MYH14: variants seen among roughly 807,000 people sequenced by gnomAD.
MYH14 encodes the protein myosin heavy chain 14.
A neutral mutation model predicts 255.5 loss-of-function variants in MYH14; 123 were observed. That is an observed-to-expected ratio of 0.48 (90% CI 0.42 to 0.56). The LOEUF (loss-of-function observed/expected upper bound fraction) is 0.56, where lower values mean the gene tolerates loss of function less well. Ranked by LOEUF, MYH14 falls within the 20% of genes least tolerant of loss-of-function variation. The probability of loss-of-function intolerance (pLI) is 0.00; values close to 1 mark genes in which losing one functional copy is unlikely to be tolerated. For missense variants in MYH14, 2,423 were observed against 2,802.3 expected (o/e 0.86, Z 3.06); for synonymous variants, 1,095 against 1,161.2 (o/e 0.94, Z 1.16).
rs552730148 is a variant in MYH14, at chr19:50,247,010, A to G, written c.1217A>G (p.Gln406Arg). The change falls in exon 12 of 43, where the codon CAG (glutamine) becomes CGG (arginine). Residue 406 changes from glutamine (Q) to arginine (R), a missense_variant. Physicochemically the swap from Gln to Arg is conservative, Grantham distance 43 (BLOSUM62 1). This residue lies in a region of MYH14 where 672 missense variants were observed against 881.8 expected (regional missense o/e 0.76). Transcript: ENST00000642316. Reference protein sequence around the residue: ...QATMPDNTAAQKLCRLLGLGV... With the variant: ...QATMPDNTAARKLCRLLGLGV... ...TGGTGCCTCTCGCCCTCAGCTGCAC[A>G]GAAGCTCTGCCGCCTCTTGGGACTG... 38 of 1,610,820 alleles carry G rather than the reference A, an allele frequency of 2.4e-5. No individual in the cohort carries two copies. In the South Asian group the frequency reaches 4.2e-4, roughly 18 times the overall value.
In MYH14 at chr19:50,255,290, G is replaced by T. The variant is rs1358522612; in HGVS notation, c.2016G>T (p.Arg672Ser). The change falls in exon 17 of 43, where the codon AGG becomes AGT. Residue 672 changes from arginine to serine, a missense_variant. By Grantham distance (110) the Arg-to-Ser change is moderately radical (BLOSUM62 -1). Coordinates refer to ENST00000642316, the MANE Select transcript of MYH14 (RefSeq NM_001145809.2). ...CGTCGCCCCCAGGATCTGCAGAGAG[G>T]TGCAGCTCTGCTATTTCTCCGCCAG... The part of the protein sequence containing the change: ...FPPSPPGSAE[R>S]CSSAISPPGV... 3 of 1,551,214 alleles carry T rather than the reference G, an allele frequency of 1.9e-6. No homozygotes were observed. The highest frequency in any genetic ancestry group is 1.4e-5 in the African/African-American group (1 of 73,028).
intron 18 of MYH14, 58 bp from the exon 19 acceptor site, chr19:50,259,086 C>T (rs1171444709): frequency 4.6e-6 from 7 of 1,522,768 alleles, no homozygotes; most frequent in Admixed American, 4.2e-5. Context: ...CAAGCTTGAC[C>T]GTTTGGCGCC....
At position 50,281,659 on chromosome 19, in the gene MYH14, G is replaced by C; in HGVS notation, c.4356G>C (p.Arg1452=). ...AGALEAGEEA[R]RRAAREAEAL... is the part of the protein sequence containing the mutation. ...CACTGGAGGCAGGGGAGGAGGCACG[G>C]CGCCGGGCAGCCCGGGAGGCCGAGG... Residue 1452 remains arginine, a synonymous_variant, in exon 33 of 43, where the codon CGG becomes CGC. Transcript: ENST00000642316. 6.2e-7 allele frequency: 1 copy of C among 1,608,848 alleles called. No homozygotes were observed. Among genetic ancestry groups the C allele is most frequent in the Non-Finnish European group, 8.5e-7 (1 of 1,178,130 alleles).
Position 50,232,172 on chromosome 19 carries a change from C to T in MYH14, c.1114+102C>T, listed in dbSNP as rs2033431905. On this transcript the variant is annotated intron_variant, in intron 10 of 42. Transcript: ENST00000642316. ...TCTCTTTGAGCAAGTGTTTATTGAG[C>T]ACCTACTGGGTGCAGGCACCGGGGC... is the stretch of plus-strand genomic sequence containing the variant. The T allele has an allele frequency of 5.5e-6, 8 of 1,459,962 alleles. No individual in the cohort carries two copies. In the South Asian group the frequency reaches 8.6e-5, roughly 16 times the overall value. 90.4% of individuals were successfully genotyped at this position (1,459,962 alleles called of 1,614,324 possible).
rs2123407218 is a variant in MYH14, at chr19:50,276,644, A to G, written c.3681-113A>G. ...ACCCAGATCTCCTGAGGAGCATAAC[A>G]TGAGGCCCTCATATTTTAAGGAAAC... On this transcript the variant is annotated intron_variant, in intron 28 of 42. Coordinates refer to ENST00000642316, the MANE Select transcript of MYH14 (RefSeq NM_001145809.2). This position sits in a 1 kb window ranked among gnomAD's most constrained non-coding sequence, Gnocchi z 4.3. 7.2e-7 allele frequency: 1 copy of G among 1,388,394 alleles called. No individual in the cohort carries two copies. Among genetic ancestry groups the G allele is most frequent in the Non-Finnish European group, 1.0e-6 (1 of 985,534 alleles). 86.0% of individuals were successfully genotyped at this position (1,388,394 alleles called of 1,614,324 possible).
intron 3 of MYH14, 65 bp downstream of exon 3, chr19:50,217,836 G>A: frequency 3.8e-6 from 6 of 1,572,768 alleles, no homozygotes; most frequent in Non-Finnish European, 5.2e-6. Flanking sequence ...ACCTGGGGCT[G>A]CCGGAAGCCA....
chr19:50,291,414 C>T (rs2036072995), intron 36 of MYH14, among the ~76,000 whole-genome samples: 1 of 151,908 alleles, frequency 6.6e-6, no homozygotes, highest in Non-Finnish European at 1.5e-5. Flanking sequence ...AGTTCTCCTG[C>T]CTCAGCCTCC....
At chr19:50,227,831 G>A (rs926826291) in intron 8 of MYH14, among the ~76,000 whole-genome samples, 11 of 152,176 alleles carry the variant, frequency 7.2e-5, no homozygotes, top group Admixed American at 1.3e-4. Flanking sequence ...ACTTGGGTAC[G>A]TGACTTGGCC....
In MYH14 at chr19:50,250,838, A is replaced by C. The variant is rs991822484; in HGVS notation, c.1830+150A>C. The C allele has an allele frequency of 7.4e-6, 6 of 807,024 alleles. No individual in the cohort carries two copies. Among genetic ancestry groups the C allele is most frequent in the Middle Eastern group, 3.7e-4 (1 of 2,688 alleles). 50.0% of individuals were successfully genotyped at this position (807,024 alleles called of 1,614,324 possible). A position where few individuals can be genotyped will look rare whatever the true frequency, so the allele number is the denominator to read the frequency against. The stretch of plus-strand genomic sequence containing the variant: ...GGGCTAGGAGAGCCCAGGGAGGAGC[A>C]AGGATTCTGTCTGATGGGATCACCA... On this transcript the variant is annotated intron_variant, in intron 15 of 42. Coordinates refer to ENST00000642316, the MANE Select transcript of MYH14 (RefSeq NM_001145809.2). The surrounding 1 kb of genome is among the most constrained non-coding windows in gnomAD (Gnocchi z 5.4).
Position 50,259,770 on chromosome 19 carries a change from C to T in MYH14, c.2354+505C>T, listed in dbSNP as rs1316782750. On this transcript the variant is annotated intron_variant, in intron 19 of 42. Transcript: ENST00000642316. ...GCACATGCCTGTAATCCCAGCTACT[C>T]GGGAGGCTGAGGCAGGAGAATCACT... Among the ~76,000 whole-genome samples the T allele has an allele frequency of 2.0e-5, 3 of 151,896 alleles. 1 individual carries two copies. Among genetic ancestry groups the T allele is most frequent in the South Asian group, 4.2e-4 (2 of 4,810 alleles).
At chr19:50,286,761 T>G (rs2035906070) in intron 34 of MYH14, 67 bp downstream of exon 34, 1 of 1,394,438 alleles carries the variant, frequency 7.2e-7, no homozygotes, top group Admixed American at 2.0e-5. Flanking sequence ...ATGTATGCTT[T>G]CACACATAGA....
rs876657874 is a variant in MYH14 at position 50,293,327 on chromosome 19, T to C, written c.5345+6T>C. On this transcript the variant is annotated splice_donor_region_variant and intron_variant, in intron 38 of 42. Transcript: ENST00000642316. This position sits in a 1 kb window ranked among gnomAD's most constrained non-coding sequence, Gnocchi z 4.1. ...GCCAATGGTAACCTTAGCAAGTAAG[T>C]GCCCCAAGGGTCTGAAGGCTGAGGT... 5.0e-6 allele frequency: 8 copies of C among 1,596,134 alleles called. No individual in the cohort carries two copies. The Admixed American group carries it at 1.2e-4, about 24-fold the overall frequency.
At chr19:50,243,667 C>T (rs1232906404) in intron 10 of MYH14, among the ~76,000 whole-genome samples, 1 of 152,168 alleles carries the variant, frequency 6.6e-6, no homozygotes, top group Non-Finnish European at 1.5e-5. Context: ...GTGCAAGTCA[C>T]AAGAATCGAC....
At chr19:50,263,951 G>T (rs1238429687) in intron 22 of MYH14, among the ~76,000 whole-genome samples, 2 of 151,102 alleles carry the variant, frequency 1.3e-5, no homozygotes, top group Non-Finnish European at 2.9e-5. Context: ...CAGCTACTTG[G>T]GAGGCTGAGG....
intron 2 of MYH14, among the ~76,000 whole-genome samples, chr19:50,215,321 C>G (rs141626758): frequency 3.3e-5 from 5 of 152,282 alleles, no homozygotes; most frequent in African/African-American, 1.2e-4. Flanking sequence ...TCCGGCCGCC[C>G]CACCCTCTGA....
Position 50,276,721 on chromosome 19 carries a change from T to C in MYH14, c.3681-36T>C. ...CCAAAGCCCCTGCCTTCCTCTGCTCTGAAATTCCCATCCTCTCTCCTTTCC... is the reference window on the plus strand; with the variant it reads ...CCAAAGCCCCTGCCTTCCTCTGCTCCGAAATTCCCATCCTCTCTCCTTTCC... On this transcript the variant is annotated intron_variant, in intron 28 of 42. Transcript: ENST00000642316. This position sits in a 1 kb window ranked among gnomAD's most constrained non-coding sequence, Gnocchi z 4.3. The C allele has an allele frequency of 6.2e-7, 1 of 1,612,734 alleles. No individual in the cohort carries two copies. The highest frequency in any genetic ancestry group is 2.2e-5 in the East Asian group (1 of 44,878).
In MYH14 at chr19:50,261,695, G is replaced by A. The variant is rs936941761; in HGVS notation, c.2585+60G>A. 1.6e-5 allele frequency: 24 copies of A among 1,490,384 alleles called. No individual in the cohort carries two copies. In the African/African-American group the frequency reaches 2.3e-4, roughly 14 times the overall value. The allele number at this position is 1,490,384 out of a possible 1,614,324, so 92.3% of individuals were successfully genotyped here. A position where few individuals can be genotyped will look rare whatever the true frequency, so the allele number is the denominator to read the frequency against. ...GCCGAGACTGGGTCAGGGAGGGGTT[G>A]ACCAGATGGCTCTAGGTGTCAGGGC... On this transcript the variant is annotated intron_variant, in intron 21 of 42. Coordinates refer to ENST00000642316, the MANE Select transcript of MYH14 (RefSeq NM_001145809.2).
At chr19:50,259,512 T>C (rs1311294215) in intron 19 of MYH14, among the ~76,000 whole-genome samples, 2 of 152,254 alleles carry the variant, frequency 1.3e-5, no homozygotes, top group African/African-American at 4.8e-5. Context: ...TTGCTGCTGC[T>C]GTTTAGGGCA....
rs1229428140 is a variant in MYH14 at position 50,221,128 on chromosome 19, C to T, written c.563-1955C>T. Among the ~76,000 whole-genome samples the T allele has an allele frequency of 6.6e-6, 1 of 152,144 alleles. No individual in the cohort carries two copies. The highest frequency in any genetic ancestry group is 2.4e-5 in the African/African-American group (1 of 41,446). ...AACCCAGGGCCCCTGACCACCGCCT[C>T]CCTGTATGTCACACTGTGTGTTATA... On this transcript the variant is annotated intron_variant, in intron 3 of 42. Transcript: ENST00000642316. The surrounding 1 kb of genome is among the most constrained non-coding windows in gnomAD (Gnocchi z 5.3).
Sources: gnomAD v4.1 joint callset for allele counts (sites outside exome capture counted in the v4.1 genomes callset) on GRCh38, gnomAD v4.1.1 for gene constraint, gnomAD v4.1.1 regional missense constraint, Gnocchi (gnomAD v3.1) non-coding constraint, MANE v1.5 for transcripts, NCBI Gene and HGNC (gene_info 2026-07-23, HGNC 2026-07-21) for gene names.